Variants in FGGY observed in about 807,000 individuals in gnomAD.
FGGY encodes FGGY carbohydrate kinase domain containing.
A neutral mutation model predicts 71.3 loss-of-function variants in FGGY; 72 were observed. That is an observed-to-expected ratio of 1.01 (90% CI 0.84 to 1.23). The LOEUF (loss-of-function observed/expected upper bound fraction) is 1.23, where lower values mean the gene tolerates loss of function less well. Among genes scored for constraint, FGGY ranks in the 50% most tolerant of loss-of-function variants. The probability of loss-of-function intolerance (pLI) is 0.00; values close to 1 mark genes in which losing one functional copy is unlikely to be tolerated. For synonymous variants in FGGY, 251 were observed against 250.3 expected (o/e 1.00, Z -0.02); for missense variants, 668 against 682.3 (o/e 0.98, Z 0.23).
intron 4 of FGGY, among the ~76,000 whole-genome samples, chr1:59,373,177 A>G (rs1241448378): frequency 6.6e-6 from 1 of 152,076 alleles, no homozygotes; most frequent in Middle Eastern, 3.2e-3. Context: ...TCTCAGCCCA[A>G]AATCCCCTTA....
chr1:59,428,257 G>C (rs184248283), intron 5 of FGGY, among the ~76,000 whole-genome samples: 1 of 151,334 alleles, frequency 6.6e-6, no homozygotes, highest in African/African-American at 2.4e-5. Flanking sequence ...GACTTTCATT[G>C]AGAGTTTACC....
At chr1:59,699,950 T>C (rs1042126118) in intron 14 of FGGY, among the ~76,000 whole-genome samples, 6 of 152,236 alleles carry the variant, frequency 3.9e-5, no homozygotes, top group Admixed American at 2.0e-4. Flanking sequence ...TTGAGACTTT[T>C]AGCCTATTTG....
At chr1:59,543,252 G>A (rs2095471999) in intron 7 of FGGY, among the ~76,000 whole-genome samples, 1 of 152,134 alleles carries the variant, frequency 6.6e-6, no homozygotes, top group Admixed American at 6.5e-5. Flanking sequence ...CTCCCCAGCT[G>A]CTCTGCCTAT....
chr1:59,535,878 C>A (rs1486703002), intron 7 of FGGY, among the ~76,000 whole-genome samples: 3 of 147,204 alleles, frequency 2.0e-5, no homozygotes, highest in South Asian at 2.3e-4. Context: ...CAAGAGAAAG[C>A]AGGAAAGATC....
chr1:59,576,675 C>CCG (rs2096083457), intron 8 of FGGY, among the ~76,000 whole-genome samples: 2 of 131,250 alleles, frequency 1.5e-5, no homozygotes, highest in Non-Finnish European at 3.4e-5. Flanking sequence ...GACAGACAGA[C>CCG]AGACACACAC....
intron 5 of FGGY, among the ~76,000 whole-genome samples, chr1:59,425,692 T>G (rs185948012): frequency 6.4e-4 from 97 of 152,328 alleles, no homozygotes; most frequent in African/African-American, 2.3e-3. Flanking sequence ...GTACCATCTC[T>G]CCTTTTCCCA....
intron 4 of FGGY, among the ~76,000 whole-genome samples, chr1:59,368,094 A>G (rs1028276891): frequency 6.6e-6 from 1 of 152,122 alleles, no homozygotes; most frequent in Admixed American, 6.6e-5. Context: ...GACTTAACTC[A>G]TTCAGCACAG....
rs555406143 is a variant in FGGY, at chr1:59,486,611, A to G, written c.671-25700A>G. Among the ~76,000 whole-genome samples, 3 of 152,284 alleles carry G rather than the reference A, an allele frequency of 2.0e-5. No individual in the cohort carries two copies. The East Asian group carries it at 5.8e-4, about 29-fold the overall frequency. On this transcript the variant is annotated intron_variant, in intron 6 of 15. Transcript: ENST00000303721. ...TGTGCTCCCCTGTCTTGGGTCCTAC[A>G]CACAGCTACCTACCTGTCAGCTTGG... is the stretch of plus-strand genomic sequence containing the variant.
intron 2 of FGGY, among the ~76,000 whole-genome samples, chr1:59,330,789 C>T (rs1396033825): frequency 2.0e-5 from 3 of 152,054 alleles, no homozygotes; most frequent in Admixed American, 2.0e-4. Context: ...GAAAGGGAGG[C>T]TAGAATTGAC....
chr1:59,532,459 A>AT (rs1268390827), intron 7 of FGGY, among the ~76,000 whole-genome samples: 1 of 152,170 alleles, frequency 6.6e-6, no homozygotes, highest in Non-Finnish European at 1.5e-5. Context: ...ATTTGAAGAG[A>AT]TATTGGCCAA....
At chr1:59,528,601 T>C (rs55759505) in intron 7 of FGGY, among the ~76,000 whole-genome samples, 183 of 152,296 alleles carry the variant, frequency 1.2e-3, no homozygotes, top group African/African-American at 4.0e-3. Context: ...GATAAAGTGT[T>C]AGGCTGTCGA....
chr1:59,475,920 C>A (rs1164209666), intron 6 of FGGY, among the ~76,000 whole-genome samples: 1 of 152,156 alleles, frequency 6.6e-6, no homozygotes, highest in African/African-American at 2.4e-5. Flanking sequence ...CCAGTGGCTC[C>A]CCATTGCAGC....
intron 7 of FGGY, among the ~76,000 whole-genome samples, chr1:59,547,604 G>A (rs2095546924): frequency 6.6e-6 from 1 of 152,148 alleles, no homozygotes; most frequent in Non-Finnish European, 1.5e-5. Flanking sequence ...CTACCTTGCA[G>A]TATCACTGTG....
chr1:59,455,958 A>G (rs1490658030), intron 5 of FGGY, among the ~76,000 whole-genome samples: 2 of 151,886 alleles, frequency 1.3e-5, no homozygotes, highest in Admixed American at 6.5e-5. Flanking sequence ...AAATTGAGAA[A>G]TGTAGCTGGA....
chr1:59,591,519 C>T (rs190107816), intron 8 of FGGY, among the ~76,000 whole-genome samples: 6 of 152,246 alleles, frequency 3.9e-5, no homozygotes, highest in South Asian at 4.1e-4. Context: ...GGAGGCATCA[C>T]GCTACCTGAC....
At position 59,625,938 on chromosome 1, in the gene FGGY, T is replaced by C. The variant is rs768055372; in HGVS notation, c.1012-50T>C. On this transcript the variant is annotated intron_variant, in intron 9 of 15. Transcript: ENST00000303721. ...TTTTAATATAAATTTTTCTATCTTA[T>C]ACATAAATTAAAGAAGCTATAAAAT... The C allele has an allele frequency of 4.4e-5, 63 of 1,419,670 alleles. 1 individual carries two copies. In the South Asian group the frequency reaches 8.2e-4, roughly 19 times the overall value. The allele number at this position is 1,419,670 out of a possible 1,614,324, so 87.9% of individuals were successfully genotyped here.
chr1:59,563,820 A>G (rs2095833344), intron 8 of FGGY, among the ~76,000 whole-genome samples: 1 of 152,234 alleles, frequency 6.6e-6, no homozygotes, highest in East Asian at 1.9e-4. Flanking sequence ...CCAAAACAGT[A>G]TGGTACTGGT....
intron 11 of FGGY, among the ~76,000 whole-genome samples, chr1:59,657,113 T>C (rs915349494): frequency 3.9e-5 from 6 of 152,190 alleles, no homozygotes; most frequent in African/African-American, 1.4e-4. Context: ...CTCTTATGGA[T>C]TCTTACTAAT....
At chr1:59,647,701 AG>A (rs1313629503) in intron 11 of FGGY, among the ~76,000 whole-genome samples, 4 of 148,052 alleles carry the variant, frequency 2.7e-5, no homozygotes, top group Non-Finnish European at 5.9e-5. Flanking sequence ...CAGCTTTCAG[AG>A]GCCTCCGGCA....
Sources: gnomAD v4.1 joint callset for allele counts (sites outside exome capture counted in the v4.1 genomes callset) on GRCh38, gnomAD v4.1.1 for gene constraint, MANE v1.5 for transcripts, NCBI Gene and HGNC (gene_info 2026-07-23, HGNC 2026-07-21) for gene names.